UBE2D2: variants seen among roughly 807,000 people sequenced by gnomAD.
UBE2D2 encodes the protein ubiquitin-conjugating enzyme E2 D2.
A neutral mutation model predicts 24.2 loss-of-function variants in UBE2D2; 2 were observed. The observed-to-expected ratio is 0.08, with a 90% CI of 0.03 to 0.26. The LOEUF (loss-of-function observed/expected upper bound fraction) is 0.26. Among genes scored for constraint, UBE2D2 ranks in the 10% least tolerant of loss-of-function variants. UBE2D2 has a pLI of 1.00. For synonymous variants in UBE2D2, 58 were observed against 56.5 expected (o/e 1.03, Z -0.12); for missense variants, 44 against 177.6 (o/e 0.25, Z 4.28).
intron 1 of UBE2D2, among the ~76,000 whole-genome samples, chr5:139,538,348 C>T (rs944906497): frequency 7.2e-5 from 11 of 152,128 alleles, no homozygotes; most frequent in Admixed American, 7.2e-4. Context: ...AGCAGCATTA[C>T]TCACAATAGC....
At chr5:139,539,035 T>G (rs562628700) in intron 1 of UBE2D2, among the ~76,000 whole-genome samples, 1 of 152,060 alleles carries the variant, frequency 6.6e-6, no homozygotes, top group South Asian at 2.1e-4. Flanking sequence ...GTCAATCTCT[T>G]TTTTTTTGAG....
At chr5:139,624,450 GTAT>G (rs777241548) in intron 6 of UBE2D2, among the ~76,000 whole-genome samples, 2 of 152,138 alleles carry the variant, frequency 1.3e-5, no homozygotes, top group Non-Finnish European at 2.9e-5. Flanking sequence ...GTTTTATGTA[GTAT>G]TCAGTGAAGT....
At chr5:139,590,413 C>T (rs1253874192) in intron 1 of UBE2D2, among the ~76,000 whole-genome samples, 3 of 140,480 alleles carry the variant, frequency 2.1e-5, no homozygotes, top group Non-Finnish European at 4.6e-5. Flanking sequence ...TCAGCCTGGG[C>T]AATAGAGCAA....
chr5:139,570,946 C>G (rs1226079241), intron 1 of UBE2D2, among the ~76,000 whole-genome samples: 1 of 152,172 alleles, frequency 6.6e-6, no homozygotes, highest in African/African-American at 2.4e-5. Context: ...AATGGCTACT[C>G]CCTAGGCAGA....
intron 6 of UBE2D2, 65 bp downstream of exon 6, chr5:139,623,526 CTTGT>C (rs752234918): frequency 8.8e-6 from 12 of 1,371,400 alleles, no homozygotes; most frequent in African/African-American, 2.8e-5. Context: ...ACAAATCTTT[CTTGT>C]TTAAGGGCTG....
intron 1 of UBE2D2, among the ~76,000 whole-genome samples, chr5:139,584,533 C>CTTTTTTTTTTTTTTTTTTT (rs10642044): frequency 7.5e-6 from 1 of 133,068 alleles, no homozygotes; most frequent in African/African-American, 2.9e-5. Flanking sequence ...CTTTTCTTTT[C>CTTTTTTTTTTTTTTTTTTT]TTTTTTTTTT....
At chr5:139,578,347 C>T (rs990478854) in intron 1 of UBE2D2, among the ~76,000 whole-genome samples, 1 of 152,024 alleles carries the variant, frequency 6.6e-6, no homozygotes, top group Non-Finnish European at 1.5e-5. Context: ...GGAATACCTA[C>T]GATTTTCCTG....
intron 1 of UBE2D2, among the ~76,000 whole-genome samples, chr5:139,581,322 G>A (rs567346085): frequency 9.9e-5 from 15 of 152,012 alleles, no homozygotes; most frequent in East Asian, 7.8e-4. Context: ...GGTGGTGAGC[G>A]CCTGTAATCC....
intron 1 of UBE2D2, among the ~76,000 whole-genome samples, chr5:139,533,834 G>A (rs923339165): frequency 4.7e-5 from 7 of 149,190 alleles, no homozygotes; most frequent in African/African-American, 1.7e-4. Context: ...CCAGGCTGGA[G>A]TGCAGTGGCA....
At chr5:139,548,820 A>T (rs1288389923) in intron 1 of UBE2D2, among the ~76,000 whole-genome samples, 1 of 151,974 alleles carries the variant, frequency 6.6e-6, no homozygotes, top group Non-Finnish European at 1.5e-5. Flanking sequence ...GTAGGGCTTG[A>T]ACCCACTGAC....
chr5:139,568,647 ACT>A (rs1753291346), intron 1 of UBE2D2, among the ~76,000 whole-genome samples: 1 of 150,230 alleles, frequency 6.7e-6, no homozygotes, highest in Admixed American at 6.7e-5. Flanking sequence ...ACAGAGCGAA[ACT>A]CTGTCTAGAA....
intron 2 of UBE2D2, among the ~76,000 whole-genome samples, chr5:139,603,979 A>G (rs1243087065): frequency 6.6e-6 from 1 of 152,080 alleles, no homozygotes; most frequent in African/African-American, 2.4e-5. Flanking sequence ...CCCAAAGCTA[A>G]TCAGTAAGAG....
chr5:139,548,150 C>T (rs374396899), intron 1 of UBE2D2, among the ~76,000 whole-genome samples: 5 of 94,906 alleles, frequency 5.3e-5, no homozygotes, highest in East Asian at 6.0e-4. Flanking sequence ...GGCGACAGAG[C>T]GAGACTCCGT....
At chr5:139,531,189 C>T (rs186968191) in intron 1 of UBE2D2, among the ~76,000 whole-genome samples, 12 of 152,250 alleles carry the variant, frequency 7.9e-5, no homozygotes, top group Admixed American at 2.0e-4. Flanking sequence ...ACAGGCAGCC[C>T]GGCACCAGGC....
At chr5:139,610,689 G>A (rs1488449366) in intron 2 of UBE2D2, among the ~76,000 whole-genome samples, 2 of 151,810 alleles carry the variant, frequency 1.3e-5, no homozygotes, top group Non-Finnish European at 1.5e-5. Context: ...CCTGGGCAAC[G>A]TAACAAAATC....
intron 1 of UBE2D2, among the ~76,000 whole-genome samples, chr5:139,582,958 C>A (rs1753639023): frequency 6.6e-6 from 1 of 150,912 alleles, no homozygotes; most frequent in Non-Finnish European, 1.5e-5. Context: ...GCGTGAGCCA[C>A]TGCGCCCGGC....
intron 1 of UBE2D2, among the ~76,000 whole-genome samples, chr5:139,533,878 G>A (rs1752629412): frequency 6.7e-6 from 1 of 150,156 alleles, no homozygotes; most frequent in South Asian, 2.2e-4. Flanking sequence ...CGCCTCCCGG[G>A]TTCAAGCGAT....
At chr5:139,546,879 CTTCTTTCTTTCTT>C (rs1461073764) in intron 1 of UBE2D2, among the ~76,000 whole-genome samples, 2 of 137,684 alleles carry the variant, frequency 1.5e-5, no homozygotes, top group Non-Finnish European at 3.1e-5. Flanking sequence ...CCTTTCTTTC[CTTCTTTCTTTCTT>C]TTCTTTCTTT....
intron 1 of UBE2D2, among the ~76,000 whole-genome samples, chr5:139,543,283 T>C (rs1240632045): frequency 3.9e-5 from 6 of 152,236 alleles, no homozygotes; most frequent in Admixed American, 2.0e-4. Flanking sequence ...ACCCCTCCTT[T>C]ATGAACTAAT....
Sources: gnomAD v4.1 joint callset for allele counts (sites outside exome capture counted in the v4.1 genomes callset) on GRCh38, gnomAD v4.1.1 for gene constraint, MANE v1.5 for transcripts, NCBI Gene and HGNC (gene_info 2026-07-23, HGNC 2026-07-21) for gene names.